NFKB1: variants seen among roughly 807,000 people sequenced by gnomAD.
NFKB1 encodes nuclear factor kappa B subunit 1.
NFKB1 carries 9 observed loss-of-function variants against 105.1 expected under a neutral mutation model. The observed-to-expected ratio is 0.09, with a 90% confidence interval of 0.05 to 0.15. The LOEUF (loss-of-function observed/expected upper bound fraction) is 0.15. Among genes scored for constraint, NFKB1 ranks in the 10% least tolerant of loss-of-function variants. The pLI is 1.00. For synonymous variants in NFKB1, 440 were observed against 442.2 expected (o/e 1.00, Z 0.06); for missense variants, 830 against 1,203.7 (o/e 0.69, Z 4.59).
At chr4:102,604,635 T>G (rs371255248) in intron 16 of NFKB1, among the ~76,000 whole-genome samples, 4 of 151,770 alleles carry the variant, frequency 2.6e-5, no homozygotes, top group African/African-American at 9.7e-5. Flanking sequence ...TTTCAGCTCC[T>G]GAAGAGAATC....
intron 5 of NFKB1, among the ~76,000 whole-genome samples, chr4:102,564,512 G>A (rs905062582): frequency 1.3e-5 from 2 of 152,214 alleles, no homozygotes; most frequent in Non-Finnish European, 2.9e-5. Context: ...ATGATGCGAT[G>A]CTGACTTGGA....
At chr4:102,511,732 T>G (rs536034563) in intron 1 of NFKB1, among the ~76,000 whole-genome samples, 1 of 152,330 alleles carries the variant, frequency 6.6e-6, no homozygotes, top group South Asian at 2.1e-4. Flanking sequence ...CTTTTTTAAG[T>G]TGAAGAATCC....
intron 11 of NFKB1, among the ~76,000 whole-genome samples, chr4:102,589,689 A>T (rs980945364): frequency 6.6e-6 from 1 of 152,238 alleles, no homozygotes; most frequent in South Asian, 2.1e-4. Context: ...AAGCATGACA[A>T]AACTGACATT....
Position 102,526,227 on chromosome 4 carries a change from G to T in NFKB1, c.39+670G>T, listed in dbSNP as rs910155353. 3.3e-5 allele frequency among the ~76,000 whole-genome samples: 5 copies of T among 152,172 alleles called. No individual in the cohort carries two copies. In the South Asian group the frequency reaches 1.0e-3, roughly 32 times the overall value. On this transcript the variant is annotated intron_variant, in intron 2 of 23. Transcript: ENST00000226574. ...CAGGTACCGGGGATTAGGAGTTAAA[G>T]GTGTCTTTTTGGGAGGGAACACAGT...
At chr4:102,610,743 C>T (rs1482163419) in intron 20 of NFKB1, 44 bp downstream of exon 20, 1 of 1,606,704 alleles carries the variant, frequency 6.2e-7, no homozygotes. Flanking sequence ...CTGAGGGAGT[C>T]AGAGGTTCAG....
At chr4:102,597,919 G>A (rs1412822541) in intron 15 of NFKB1, among the ~76,000 whole-genome samples, 2 of 152,200 alleles carry the variant, frequency 1.3e-5, no homozygotes, top group African/African-American at 2.4e-5. Flanking sequence ...AAACTAAGAT[G>A]TGTGTAGGTA....
At chr4:102,586,843 C>T (rs1421033761) in intron 11 of NFKB1, among the ~76,000 whole-genome samples, 1 of 152,200 alleles carries the variant, frequency 6.6e-6, no homozygotes, top group Non-Finnish European at 1.5e-5. Context: ...CAACAAGCCA[C>T]ATGGGTGGGT....
At chr4:102,502,390 G>GCACACACACACACACACACACACACA (rs754187388) in intron 1 of NFKB1, among the ~76,000 whole-genome samples, 3 of 105,396 alleles carry the variant, frequency 2.8e-5, no homozygotes, top group African/African-American at 8.3e-5. Flanking sequence ...GCGCGCGCGC[G>GCACACACACACACACACACACACACA]CACACACACA....
chr4:102,526,372 G>A (rs1042704339), intron 2 of NFKB1, among the ~76,000 whole-genome samples: 2 of 151,970 alleles, frequency 1.3e-5, no homozygotes, highest in African/African-American at 4.8e-5. Context: ...GGATGGGGGT[G>A]GATGATAAGA....
intron 3 of NFKB1, among the ~76,000 whole-genome samples, chr4:102,530,956 G>C (rs990648330): frequency 2.6e-5 from 4 of 152,126 alleles, no homozygotes; most frequent in Admixed American, 1.3e-4. Flanking sequence ...ATCTTGTGAA[G>C]TGCTGTCCAA....
At chr4:102,515,107 ATTTTTTTTTT>A (rs34257045) in intron 1 of NFKB1, among the ~76,000 whole-genome samples, 1 of 95,656 alleles carries the variant, frequency 1.0e-5, no homozygotes, top group Non-Finnish European at 1.9e-5. Flanking sequence ...TATTATTATT[ATTTTTTTTTT>A]TTTTTTTTTT....
chr4:102,514,035 C>A (rs759375741), intron 1 of NFKB1, among the ~76,000 whole-genome samples: 1 of 151,796 alleles, frequency 6.6e-6, no homozygotes, highest in Non-Finnish European at 1.5e-5. Context: ...CTTAGCCAGG[C>A]GTTGTGGTGG....
chr4:102,613,025 AAAAAT>A (rs1372646861), intron 22 of NFKB1, among the ~76,000 whole-genome samples: 1 of 151,748 alleles, frequency 6.6e-6, no homozygotes, highest in African/African-American at 2.4e-5. Flanking sequence ...TTTCATTTCT[AAAAAT>A]AAAATGTAGA....
intron 5 of NFKB1, among the ~76,000 whole-genome samples, chr4:102,565,662 C>T (rs1184196807): frequency 6.6e-6 from 1 of 151,910 alleles, no homozygotes; most frequent in Admixed American, 6.6e-5. Flanking sequence ...GGTGTGATTC[C>T]CATCCTCCCT....
Position 102,580,620 on chromosome 4 carries a change from T to G in NFKB1, c.816T>G (p.Leu272=). ...CVTGGEEIYL[L]CDKVQKDDIQ... ...CTGGAGGGGAGGAAATTTATCTTCT[T>G]TGTGACAAAGTTCAGAAAGGTAAAT... The change falls in exon 9 of 24, where the codon CTT becomes CTG. Residue 272 remains leucine, a synonymous_variant. Coordinates refer to ENST00000226574, the MANE Select transcript of NFKB1 (RefSeq NM_003998.4). 2 of 1,613,682 alleles carry G rather than the reference T, an allele frequency of 1.2e-6. No individual in the cohort carries two copies. Among genetic ancestry groups the G allele is most frequent in the Non-Finnish European group, 1.7e-6 (2 of 1,179,690 alleles).
rs1247034341 is a variant in NFKB1, at chr4:102,501,608, A to G, written c.-188A>G. 2 of 147,508 alleles carry G rather than the reference A, an allele frequency of 1.4e-5. No individual in the cohort carries two copies. Among genetic ancestry groups the G allele is most frequent in the Non-Finnish European group, 3.0e-5 (2 of 66,388 alleles). The allele number at this position is 147,508 out of a possible 1,614,324, so 9.1% of individuals were successfully genotyped here. A position where few individuals can be genotyped will look rare whatever the true frequency, so the allele number is the denominator to read the frequency against. ...GCTTCCCTCCGCCCGCGCTGCGGCCATGGCGCGGCGCTGACTGGCCTGGCC... is the reference window on the plus strand; with the variant it reads ...GCTTCCCTCCGCCCGCGCTGCGGCCGTGGCGCGGCGCTGACTGGCCTGGCC... On this transcript the variant is annotated 5_prime_UTR_variant, in exon 1 of 24. It removes an upstream start codon present in the reference 5' UTR. Transcript: ENST00000226574.
chr4:102,580,658 C>T lies in NFKB1; in HGVS notation c.835+19C>T. 6.3e-7 allele frequency: 1 copy of T among 1,585,016 alleles called. No homozygotes were observed. The highest frequency in any genetic ancestry group is 8.7e-7 in the Non-Finnish European group (1 of 1,154,040). On this transcript the variant is annotated intron_variant, in intron 9 of 23. Coordinates refer to ENST00000226574, the MANE Select transcript of NFKB1 (RefSeq NM_003998.4). The stretch of plus-strand genomic sequence containing the variant: ...CAGAAAGGTAAATACATTCTGTGAT[C>T]TCTGATCTCAAGAGGTGTGATCTTG...
At chr4:102,512,613 G>T (rs1739853473) in intron 1 of NFKB1, among the ~76,000 whole-genome samples, 1 of 152,182 alleles carries the variant, frequency 6.6e-6, no homozygotes, top group Non-Finnish European at 1.5e-5. Context: ...CCAAAGTGCT[G>T]GGATTATAGG....
chr4:102,545,647 T>C (rs1453051444), intron 5 of NFKB1, among the ~76,000 whole-genome samples: 2 of 152,148 alleles, frequency 1.3e-5, no homozygotes, highest in African/African-American at 4.8e-5. Flanking sequence ...TTTGCAGGAA[T>C]CTTTTAAATC....
Sources: gnomAD v4.1 joint callset for allele counts (sites outside exome capture counted in the v4.1 genomes callset) on GRCh38, gnomAD v4.1.1 for gene constraint, MANE v1.5 for transcripts, NCBI Gene and HGNC (gene_info 2026-07-23, HGNC 2026-07-21) for gene names.